Variants in DACH1 observed in about 807,000 individuals in gnomAD.
The protein encoded by DACH1 is dachshund homolog 1.
DACH1 carries 12 observed loss-of-function variants against 54.2 expected under a neutral mutation model. The ratio of observed to expected loss-of-function variants is 0.22; its 90% CI spans 0.14 to 0.36. DACH1 has a LOEUF of 0.36. DACH1 is among the 10% of genes least tolerant of loss of function. The probability of loss-of-function intolerance (pLI) is 1.00; values close to 1 mark genes in which losing one functional copy is unlikely to be tolerated. For missense variants in DACH1, 805 were observed against 929.8 expected (o/e 0.87, Z 1.75); for synonymous variants, 386 against 366.2 (o/e 1.05, Z -0.62).
chr13:71,859,696 T>C (rs1297094814), intron 1 of DACH1, among the ~76,000 whole-genome samples: 5 of 151,874 alleles, frequency 3.3e-5, no homozygotes, highest in African/African-American at 1.2e-4. Context: ...TAATAATAAC[T>C]AATTAGTGGA....
rs555028555 is a variant in DACH1 at position 71,670,786 on chromosome 13, G to A, written c.964+11009C>T. Among the ~76,000 whole-genome samples, 3 of 152,120 alleles carry A rather than the reference G, an allele frequency of 2.0e-5. No individual in the cohort carries two copies. In the East Asian group the frequency reaches 5.8e-4, roughly 29 times the overall value. On this transcript the variant is annotated intron_variant, in intron 2 of 10. Transcript: ENST00000613252. ...CTTTGTCTAGCTTCATCACTTACAAGATGTTACTATAAATTGTGTCATTTG... is the reference window on the plus strand; with the variant it reads ...CTTTGTCTAGCTTCATCACTTACAAAATGTTACTATAAATTGTGTCATTTG...
At chr13:71,787,933 GA>G (rs1886674801) in intron 1 of DACH1, among the ~76,000 whole-genome samples, 1 of 152,116 alleles carries the variant, frequency 6.6e-6, no homozygotes, top group Non-Finnish European at 1.5e-5. Flanking sequence ...CTTAATAACT[GA>G]AAGGAGCTCA....
At chr13:71,757,555 G>A (rs535217734) in intron 1 of DACH1, among the ~76,000 whole-genome samples, 5 of 136,668 alleles carry the variant, frequency 3.7e-5, no homozygotes, top group Admixed American at 7.8e-5. Flanking sequence ...ACAGAGTCTT[G>A]CTCTGTCGCC....
At chr13:71,718,103 C>A (rs190341231) in intron 1 of DACH1, among the ~76,000 whole-genome samples, 124 of 151,904 alleles carry the variant, frequency 8.2e-4, no homozygotes, top group African/African-American at 2.1e-3. Context: ...AAGTCCAGAA[C>A]AAATGAAGAA....
At chr13:71,465,747 G>A (rs1699082105) in intron 10 of DACH1, among the ~76,000 whole-genome samples, 1 of 151,946 alleles carries the variant, frequency 6.6e-6, no homozygotes, top group South Asian at 2.1e-4. Flanking sequence ...GTATAAAAAT[G>A]CTTAAAAATT....
At chr13:71,747,951 C>A (rs1263474184) in intron 1 of DACH1, among the ~76,000 whole-genome samples, 1 of 152,134 alleles carries the variant, frequency 6.6e-6, no homozygotes, top group East Asian at 1.9e-4. Flanking sequence ...TGTGCATGAA[C>A]TTGACAGGCA....
intron 1 of DACH1, among the ~76,000 whole-genome samples, chr13:71,748,871 TTTCTTTCTTTC>T (rs1566476591): frequency 3.9e-5 from 2 of 51,076 alleles, no homozygotes; most frequent in Non-Finnish European, 8.2e-5. Flanking sequence ...TCTTTCTTTC[TTTCTTTCTTTC>T]TTTCTTTCTT....
intron 1 of DACH1, among the ~76,000 whole-genome samples, chr13:71,789,670 G>A: frequency 6.6e-6 from 1 of 152,050 alleles, no homozygotes; most frequent in South Asian, 2.1e-4. Context: ...CATTAGTGGG[G>A]TTTTCTCTGA....
intron 6 of DACH1, among the ~76,000 whole-genome samples, chr13:71,524,855 C>T (rs186554897): frequency 3.3e-5 from 5 of 151,944 alleles, no homozygotes; most frequent in African/African-American, 1.2e-4. Context: ...TTGGAACAGG[C>T]GCGAAGGTGA....
chr13:71,564,897 C>T (rs1041390289), intron 4 of DACH1, among the ~76,000 whole-genome samples: 9 of 151,846 alleles, frequency 5.9e-5, no homozygotes, highest in African/African-American at 2.2e-4. Context: ...AGTGGGAAAA[C>T]AATTTGTAAT....
intron 10 of DACH1, among the ~76,000 whole-genome samples, chr13:71,468,576 T>G (rs2138156162): frequency 6.6e-6 from 1 of 152,300 alleles, no homozygotes; most frequent in Non-Finnish European, 1.5e-5. Flanking sequence ...TTAAAAGTGG[T>G]AAGTATAAGT....
chr13:71,788,929 AT>A (rs1463201129), intron 1 of DACH1, among the ~76,000 whole-genome samples: 1 of 152,158 alleles, frequency 6.6e-6, no homozygotes. Flanking sequence ...ACTTAGAAAA[AT>A]TTATTCTCCA....
intron 6 of DACH1, among the ~76,000 whole-genome samples, chr13:71,494,079 A>G (rs959339209): frequency 1.3e-5 from 2 of 152,156 alleles, no homozygotes; most frequent in Non-Finnish European, 2.9e-5. Context: ...TCTTCCTAGG[A>G]AAAAAATTAA....
chr13:71,669,280 G>A (rs1368566012), intron 2 of DACH1, among the ~76,000 whole-genome samples: 3 of 152,086 alleles, frequency 2.0e-5, no homozygotes, highest in African/African-American at 7.2e-5. Flanking sequence ...TGTATTTGAA[G>A]CCACTCCCCA....
At chr13:71,520,304 C>G (rs1419364594) in intron 6 of DACH1, among the ~76,000 whole-genome samples, 2 of 151,536 alleles carry the variant, frequency 1.3e-5, no homozygotes, top group African/African-American at 4.8e-5. Flanking sequence ...GAGCATCAAA[C>G]CTCATGGAAA....
chr13:71,535,273 T>A (rs992563016), intron 6 of DACH1, among the ~76,000 whole-genome samples: 2 of 151,864 alleles, frequency 1.3e-5, no homozygotes, highest in African/African-American at 2.4e-5. Context: ...TTTTTAGATG[T>A]TATTAGACAT....
intron 1 of DACH1, among the ~76,000 whole-genome samples, chr13:71,848,624 A>G (rs1873451575): frequency 6.6e-6 from 1 of 152,008 alleles, no homozygotes; most frequent in Non-Finnish European, 1.5e-5. Flanking sequence ...CTCACTGCAG[A>G]GCCTCGACCT....
Position 71,586,012 on chromosome 13 carries a change from G to A in DACH1, c.1127-13000C>T, listed in dbSNP as rs577952033. Among the ~76,000 whole-genome samples, 16 of 152,292 alleles carry A rather than the reference G, an allele frequency of 1.1e-4. No homozygotes were observed. The East Asian group carries it at 2.3e-3, about 22-fold the overall frequency. The stretch of plus-strand genomic sequence containing the variant: ...TGACAAAACAATTATGTTGGGTGAG[G>A]ACAAGTGGTTACTGCATACTCTACT... On this transcript the variant is annotated intron_variant, in intron 3 of 10. Coordinates refer to ENST00000613252, the MANE Select transcript of DACH1 (RefSeq NM_080759.6).
At chr13:71,694,475 C>T (rs958002062) in intron 1 of DACH1, among the ~76,000 whole-genome samples, 1 of 152,196 alleles carries the variant, frequency 6.6e-6, no homozygotes, top group Non-Finnish European at 1.5e-5. Flanking sequence ...ACCTATGCAC[C>T]AAACATTGCT....
Sources: allele counts gnomAD v4.1 joint callset (sites outside exome capture counted in the v4.1 genomes callset), GRCh38; gene constraint gnomAD v4.1.1; transcripts MANE v1.5; gene names NCBI Gene and HGNC (gene_info 2026-07-23, HGNC 2026-07-21).